Variants in CNTNAP2 observed in about 807,000 individuals in gnomAD.
CNTNAP2 encodes contactin-associated protein-like 2.
In CNTNAP2, 98 loss-of-function variants were observed where a neutral mutation model predicts 155.2. The observed-to-expected ratio is 0.63, with a 90% CI of 0.54 to 0.75. CNTNAP2 has a LOEUF of 0.75. CNTNAP2 is among the 30% of genes least tolerant of loss of function. CNTNAP2 has a pLI of 0.00. For missense variants in CNTNAP2, 1,727 were observed against 1,688.1 expected, an observed-to-expected ratio of 1.02 and a Z score of -0.40; for synonymous variants, 651 against 631.2, an observed-to-expected ratio of 1.03 and a Z score of -0.47.
At chr7:147,325,732 G>A (rs1238978619) in intron 9 of CNTNAP2, among the ~76,000 whole-genome samples, 1 of 152,116 alleles carries the variant, frequency 6.6e-6, no homozygotes, top group African/African-American at 2.4e-5. Flanking sequence ...AACACATAAA[G>A]CATAAAAGTT....
At chr7:147,051,900 T>G (rs1187654249) in intron 4 of CNTNAP2, among the ~76,000 whole-genome samples, 1 of 152,148 alleles carries the variant, frequency 6.6e-6, no homozygotes, top group African/African-American at 2.4e-5. Context: ...TCCAAGCTGT[T>G]TGTTTGAAAT....
At position 147,627,901 on chromosome 7, in the gene CNTNAP2, G is replaced by T. The variant is rs992253167; in HGVS notation, c.1898-11205G>T. 2.7e-5 allele frequency among the ~76,000 whole-genome samples: 4 copies of T among 149,942 alleles called. No homozygotes were observed. In the South Asian group the frequency reaches 8.4e-4, roughly 32 times the overall value. ...AAGAATTTTGGAGCTCAAAGACAAG[G>T]CTTTCAAATTAAGCCAATCAGACAA... On this transcript the variant is annotated intron_variant, in intron 12 of 23. Transcript: ENST00000361727.
chr7:148,245,619 A>T (rs1055861564), intron 20 of CNTNAP2, among the ~76,000 whole-genome samples: 4 of 152,322 alleles, frequency 2.6e-5, no homozygotes, highest in South Asian at 2.1e-4. Context: ...GATTTGAGCA[A>T]GATAGAGCGG....
At chr7:146,932,847 A>AGAAAAAAAAATACCTAG (rs1005613054) in intron 3 of CNTNAP2, among the ~76,000 whole-genome samples, 2 of 152,040 alleles carry the variant, frequency 1.3e-5, no homozygotes, top group Non-Finnish European at 2.9e-5. Context: ...ATTGCTTCAA[A>AGAAAAAAAAATACCTAG]GAAAAAAAAA....
chr7:146,444,661 C>CTT (rs772101193), intron 1 of CNTNAP2, among the ~76,000 whole-genome samples: 138 of 142,246 alleles, frequency 9.7e-4, no homozygotes, highest in African/African-American at 3.0e-3. Context: ...TCCTCTCTCT[C>CTT]TTTTTTTTTT....
chr7:147,426,907 G>A (rs779362333), intron 10 of CNTNAP2, among the ~76,000 whole-genome samples: 2 of 152,100 alleles, frequency 1.3e-5, no homozygotes, highest in African/African-American at 4.8e-5. Context: ...ACAAATAGAT[G>A]TATTGCCAGG....
At chr7:146,143,001 T>C (rs916901355) in intron 1 of CNTNAP2, among the ~76,000 whole-genome samples, 13 of 152,200 alleles carry the variant, frequency 8.5e-5, no homozygotes, top group Admixed American at 4.6e-4. Context: ...TTTTTCCTTT[T>C]AGGGAATAAA....
In CNTNAP2 at chr7:147,758,702, G is replaced by A. The variant is rs1169670752; in HGVS notation, c.2098+119396G>A. Among the ~76,000 whole-genome samples the A allele has an allele frequency of 5.3e-5, 8 of 152,184 alleles. No individual in the cohort carries two copies. In the East Asian group the frequency reaches 1.4e-3, roughly 26 times the overall value. On this transcript the variant is annotated intron_variant, in intron 13 of 23. Transcript: ENST00000361727. ...CTACAAAAAAATACAAAAATTAGCT[G>A]GGCATGGTGGTGTATGACTGTGGGC...
chr7:146,807,040 A>G (rs1303760563), intron 2 of CNTNAP2, among the ~76,000 whole-genome samples: 2 of 152,198 alleles, frequency 1.3e-5, no homozygotes, highest in Non-Finnish European at 2.9e-5. Context: ...GAATAAATAA[A>G]CAAAGTTCCT....
intron 8 of CNTNAP2, among the ~76,000 whole-genome samples, chr7:147,141,036 T>G (rs1801581765): frequency 6.6e-6 from 1 of 152,188 alleles, no homozygotes; most frequent in African/African-American, 2.4e-5. Context: ...TACCTGTCAC[T>G]GTGCTAAAGC....
intron 10 of CNTNAP2, among the ~76,000 whole-genome samples, chr7:147,466,083 G>A (rs556976777): frequency 2.8e-4 from 43 of 152,332 alleles, no homozygotes; most frequent in African/African-American, 9.9e-4. Flanking sequence ...ATGGGAGCCT[G>A]TAGAATAAAG....
chr7:146,305,604 C>G (rs150020678), intron 1 of CNTNAP2, among the ~76,000 whole-genome samples: 1,552 of 152,144 alleles, frequency 0.01, 18 homozygotes, highest in Middle Eastern at 0.02. Context: ...AATATTGCTG[C>G]CTGATCCTTC....
intron 15 of CNTNAP2, among the ~76,000 whole-genome samples, chr7:147,997,403 C>A (rs569790586): frequency 6.6e-6 from 1 of 151,780 alleles, no homozygotes; most frequent in South Asian, 2.1e-4. Context: ...AAAAAAAATA[C>A]TGAATTAGCT....
At chr7:146,720,938 T>A (rs1801278255) in intron 1 of CNTNAP2, among the ~76,000 whole-genome samples, 12 of 136,802 alleles carry the variant, frequency 8.8e-5, no homozygotes, top group African/African-American at 3.4e-4. Context: ...ATATATATAC[T>A]TTCTCTATAT....
chr7:148,033,859 C>G (rs2116466670), intron 15 of CNTNAP2, among the ~76,000 whole-genome samples: 1 of 152,236 alleles, frequency 6.6e-6, no homozygotes, highest in Non-Finnish European at 1.5e-5. Context: ...AAACTAGCAG[C>G]AAGCATATTA....
chr7:146,361,434 G>T (rs2129100903), intron 1 of CNTNAP2, among the ~76,000 whole-genome samples: 1 of 152,218 alleles, frequency 6.6e-6, no homozygotes, highest in East Asian at 1.9e-4. Context: ...CATAGTACAT[G>T]ATTTAAACTA....
chr7:146,531,532 A>G lies in CNTNAP2; in HGVS notation c.98-242739A>G, dbSNP rs539830221. On this transcript the variant is annotated intron_variant, in intron 1 of 23. Transcript: ENST00000361727. ...TGGCTTAGAATGTTATAAAAATGCT[A>G]ATAATTTATAGCTTTTGTTTTGTTT... Among the ~76,000 whole-genome samples, 30 of 152,164 alleles carry G rather than the reference A, an allele frequency of 2.0e-4. No individual in the cohort carries two copies. In the South Asian group the frequency reaches 5.8e-3, roughly 29 times the overall value.
chr7:146,645,106 A>T (rs1413533622), intron 1 of CNTNAP2, among the ~76,000 whole-genome samples: 4 of 152,234 alleles, frequency 2.6e-5, no homozygotes, highest in African/African-American at 9.6e-5. Context: ...AAGTACTTCT[A>T]AAAGCAGGGC....
intron 13 of CNTNAP2, among the ~76,000 whole-genome samples, chr7:147,893,844 G>C (rs111340406): frequency 0.017 from 2,563 of 152,314 alleles, 74 homozygotes; most frequent in African/African-American, 0.056. Context: ...AGAAGAGGAA[G>C]CTGTCTGTAT....
Sources: gnomAD v4.1 joint callset for allele counts (sites outside exome capture counted in the v4.1 genomes callset) on GRCh38, gnomAD v4.1.1 for gene constraint, MANE v1.5 for transcripts, NCBI Gene and HGNC (gene_info 2026-07-23, HGNC 2026-07-21) for gene names.